The following DLD variants were observed in gnomAD, a reference collection of about 807,000 sequenced individuals.
DLD encodes the protein dihydrolipoamide dehydrogenase, also known as dihydrolipoyl dehydrogenase, mitochondrial.
DLD carries 36 observed loss-of-function variants against 62.2 expected under a neutral mutation model. That is an observed-to-expected ratio of 0.58 (90% CI 0.44 to 0.76). The LOEUF (loss-of-function observed/expected upper bound fraction) is 0.76. Among genes scored for constraint, DLD ranks in the 30% least tolerant of loss-of-function variants. The probability of loss-of-function intolerance (pLI) is 0.00; values close to 1 mark genes in which losing one functional copy is unlikely to be tolerated. For missense variants in DLD, 541 were observed against 608.6 expected, an observed-to-expected ratio of 0.89 and a Z score of 1.17; for synonymous variants, 204 against 199.6, an observed-to-expected ratio of 1.02 and a Z score of -0.19.
At chr7:107,893,453 A>G in intron 2 of DLD, 175 bp downstream of exon 2, 1 of 475,812 alleles carries the variant, frequency 2.1e-6, no homozygotes, top group East Asian at 3.4e-5. Flanking sequence ...GCGGTGAACA[A>G]GGTAAAAAAA....
chr7:107,898,060 T>C (rs1249080846), intron 2 of DLD, among the ~76,000 whole-genome samples: 1 of 152,068 alleles, frequency 6.6e-6, no homozygotes, highest in Non-Finnish European at 1.5e-5. Context: ...TTAATTGCCT[T>C]GTTTAAGTCA....
chr7:107,917,666 A>T (rs79008145), intron 11 of DLD, among the ~76,000 whole-genome samples: 2 of 152,232 alleles, frequency 1.3e-5, no homozygotes, highest in East Asian at 3.8e-4. Context: ...GAAGTTGCCT[A>T]TATTAAAAAA....
chr7:107,894,385 C>A (rs1029488201), intron 2 of DLD, among the ~76,000 whole-genome samples: 1 of 152,140 alleles, frequency 6.6e-6, no homozygotes, highest in African/African-American at 2.4e-5. Flanking sequence ...CAACCATTAT[C>A]ATTTTGGATA....
rs1325739340 is a variant in DLD, at chr7:107,915,674, T to C, written c.853T>C (p.Ser285Pro). Residue 285 changes from serine (S) to proline (P), a missense_variant, in exon 9 of 14, where the codon TCA becomes CCA. Transcript: ENST00000205402. Reference protein sequence around the residue: ...NTKVTGATKKSDGKIDVSIEA... With the variant: ...NTKVTGATKKPDGKIDVSIEA... ...AAAGGTTACTGGTGCTACCAAGAAG[T>C]CAGATGGAAAAATTGATGTTTCGTA... 6.2e-7 allele frequency: 1 copy of C among 1,613,734 alleles called. No homozygotes were observed. Among genetic ancestry groups the C allele is most frequent in the South Asian group, 1.1e-5 (1 of 91,056 alleles).
chr7:107,894,497 A>G (rs568641963), intron 2 of DLD, among the ~76,000 whole-genome samples: 1 of 152,178 alleles, frequency 6.6e-6, no homozygotes, highest in East Asian at 1.9e-4. Flanking sequence ...AAATCCTTTT[A>G]AAAAAATGCT....
At chr7:107,895,515 A>G (rs2031698116) in intron 2 of DLD, among the ~76,000 whole-genome samples, 1 of 152,090 alleles carries the variant, frequency 6.6e-6, no homozygotes, top group African/African-American at 2.4e-5. Context: ...ACTCACATTC[A>G]CTACATTCAT....
At chr7:107,893,141 T>C in intron 1 of DLD, 59 bp from the exon 2 acceptor site, 1 of 1,424,236 alleles carries the variant, frequency 7.0e-7, no homozygotes, top group African/African-American at 1.4e-5. Flanking sequence ...TCATCAACCT[T>C]CAGTAGTTCT....
At chr7:107,916,706 A>G (rs1159766792) in intron 9 of DLD, 88 bp from the exon 10 acceptor site, 1 of 1,326,298 alleles carries the variant, frequency 7.5e-7, no homozygotes. Context: ...AATGTCATCA[A>G]CACTTGAGAA....
intron 8 of DLD, among the ~76,000 whole-genome samples, chr7:107,913,413 T>C (rs1452262630): frequency 2.6e-5 from 4 of 152,064 alleles, no homozygotes; most frequent in Non-Finnish European, 5.9e-5. Context: ...GTTTCATCAG[T>C]GTTTTTTAGT....
At chr7:107,896,317 G>C (rs1192258988) in intron 2 of DLD, among the ~76,000 whole-genome samples, 3 of 152,136 alleles carry the variant, frequency 2.0e-5, no homozygotes, top group Non-Finnish European at 4.4e-5. Context: ...TCTGAGAAGG[G>C]GAGTGACACT....
At chr7:107,913,228 T>C (rs1039146452) in intron 8 of DLD, among the ~76,000 whole-genome samples, 3 of 152,174 alleles carry the variant, frequency 2.0e-5, no homozygotes, top group Admixed American at 1.3e-4. Context: ...CCGGTTAATA[T>C]GATGTTTCCA....
Position 107,906,315 on chromosome 7 carries a change from A to G in DLD, c.631A>G (p.Lys211Glu), listed in dbSNP as rs772664162. Residue 211 changes from lysine (K) to glutamate (E), a missense_variant, in exon 8 of 14, where the codon AAA (lysine) becomes GAA (glutamate). Physicochemically the swap from Lys to Glu is moderately conservative, Grantham distance 56. Transcript: ENST00000205402. ...ATCTACAGGTGCTTTATCTTTAAAAAAAGTTCCAGAAAAGATGGTTGTTAT... is the reference window on the plus strand; with the variant it reads ...ATCTACAGGTGCTTTATCTTTAAAAGAAGTTCCAGAAAAGATGGTTGTTAT... Reference protein sequence around the residue: ...VSSTGALSLKKVPEKMVVIGA... With the variant: ...VSSTGALSLKEVPEKMVVIGA... 1.2e-6 allele frequency: 2 copies of G among 1,611,158 alleles called. No homozygotes were observed. Among genetic ancestry groups the G allele is most frequent in the East Asian group, 2.2e-5 (1 of 44,794 alleles).
In DLD at chr7:107,901,759, T is replaced by C. The variant is rs397514651; in HGVS notation, c.140T>C (p.Ile47Thr). The C allele has an allele frequency of 1.2e-6, 2 of 1,613,642 alleles. No homozygotes were observed. The highest frequency in any genetic ancestry group is 1.7e-6 in the Non-Finnish European group (2 of 1,179,646). Residue 47 changes from isoleucine (I) to threonine (T), a missense_variant, in exon 3 of 14, where the codon ATA becomes ACA. Coordinates refer to ENST00000205402, the MANE Select transcript of DLD (RefSeq NM_000108.5). ...DQPIDADVTV[I>T]GSGPGGYVAA... ...GTAGTTGATGCTGATGTAACAGTTA[T>C]AGGTTCTGGTCCTGGAGGATATGTT...
chr7:107,897,513 G>A (rs1351311155), intron 2 of DLD, among the ~76,000 whole-genome samples: 1 of 151,440 alleles, frequency 6.6e-6, no homozygotes, highest in Non-Finnish European at 1.5e-5. Flanking sequence ...CAGTACACGT[G>A]ACTGGCTCAC....
intron 10 of DLD, 25 bp downstream of exon 10, chr7:107,916,989 T>G: frequency 6.2e-7 from 1 of 1,608,630 alleles, no homozygotes; most frequent in Non-Finnish European, 8.5e-7. Flanking sequence ...TGTCTGCATT[T>G]TCAGTAATTT....
intron 7 of DLD, among the ~76,000 whole-genome samples, chr7:107,906,000 G>A (rs2031996853): frequency 1.3e-5 from 2 of 152,034 alleles, no homozygotes; most frequent in Non-Finnish European, 1.5e-5. Flanking sequence ...ACTTCCTCCT[G>A]TATACTTTAA....
chr7:107,903,377 T>C (rs1282487666), intron 4 of DLD, 101 bp from the exon 5 acceptor site: 2 of 798,080 alleles, frequency 2.5e-6, no homozygotes, highest in Non-Finnish European at 4.1e-6. Flanking sequence ...AAACTCCGTC[T>C]CAAAAAATGA....
Position 107,917,325 on chromosome 7 carries a change from G to T in DLD, c.1099G>T (p.Glu367Ter). 6.2e-7 allele frequency: 1 copy of T among 1,614,134 alleles called. No individual in the cohort carries two copies. The highest frequency in any genetic ancestry group is 8.5e-7 in the Non-Finnish European group (1 of 1,180,004). ...TGGTCCAATGCTGGCTCACAAAGCA[G>T]AGGATGAAGGCATTATCTGTGTTGA... The part of the protein sequence containing the change: ...VAGPMLAHKA[E>*]DEGIICVEGM... The change falls in exon 11 of 14, where the codon GAG (glutamate) becomes TAG (stop). Residue 367 changes from glutamate to a stop codon, truncating the protein, a stop_gained. Transcript: ENST00000205402. LOFTEE classifies it high-confidence loss of function.
chr7:107,904,983 C>T lies in DLD; in HGVS notation c.363C>T (p.Asp121=). The part of the protein sequence containing the change: ...IEMSEVRLNL[D]KMMEQKSTAV... ...TGTCCGAAGTTCGCTTGAATTTAGA[C>T]AAGATGATGGAGCAGAAGAGTACTG... The change falls in exon 6 of 14, where the codon GAC becomes GAT. Residue 121 remains aspartate, a synonymous_variant. Coordinates refer to ENST00000205402, the MANE Select transcript of DLD (RefSeq NM_000108.5). The T allele has an allele frequency of 6.2e-7, 1 of 1,613,006 alleles. No homozygotes were observed. Among genetic ancestry groups the T allele is most frequent in the Non-Finnish European group, 8.5e-7 (1 of 1,179,416 alleles).
Sources: gnomAD v4.1 joint callset for allele counts (sites outside exome capture counted in the v4.1 genomes callset) on GRCh38, gnomAD v4.1.1 for gene constraint, MANE v1.5 for transcripts, NCBI Gene and HGNC (gene_info 2026-07-23, HGNC 2026-07-21) for gene names.